The following LRP2 variants were observed in gnomAD, a reference collection of about 807,000 sequenced individuals.
The protein encoded by LRP2 is low-density lipoprotein receptor-related protein 2.
LRP2 carries 172 observed loss-of-function variants against 531.0 expected under a neutral mutation model. The observed-to-expected ratio is 0.32, with a 90% confidence interval of 0.29 to 0.37. The LOEUF is 0.37. Among genes scored for constraint, LRP2 ranks in the 10% least tolerant of loss-of-function variants. LRP2 has a pLI of 1.00. For missense variants in LRP2, 5,167 were observed against 5,868.3 expected (o/e 0.88, Z 3.90); for synonymous variants, 1,992 against 2,027.6 (o/e 0.98, Z 0.47).
intron 1 of LRP2, among the ~76,000 whole-genome samples, chr2:169,354,412 CAG>C (rs1170754114): frequency 3.3e-5 from 5 of 152,220 alleles, no homozygotes; most frequent in Non-Finnish European, 7.3e-5. Flanking sequence ...TCCATGGTAA[CAG>C]TGGCTCAACT....
chr2:169,187,210 C>A (rs376271802), intron 49 of LRP2, among the ~76,000 whole-genome samples: 7 of 151,928 alleles, frequency 4.6e-5, no homozygotes, highest in African/African-American at 1.7e-4. Context: ...CTCCACATTT[C>A]CACAGCAGTT....
At chr2:169,157,165 C>G (rs181022769) in intron 64 of LRP2, among the ~76,000 whole-genome samples, 4 of 152,242 alleles carry the variant, frequency 2.6e-5, no homozygotes, top group Admixed American at 2.6e-4. Flanking sequence ...CAGTATCTGA[C>G]AAGCACTCAG....
intron 3 of LRP2, among the ~76,000 whole-genome samples, chr2:169,314,424 T>TAA (rs112912157): frequency 0.083 from 11,884 of 143,848 alleles, 588 homozygotes; most frequent in East Asian, 0.25. Context: ...CCCCTGTCTC[T>TAA]AAAAAAAAAA....
chr2:169,349,537 G>A (rs1420647895), intron 1 of LRP2, among the ~76,000 whole-genome samples: 2 of 152,172 alleles, frequency 1.3e-5, no homozygotes. Context: ...ATGGGAAGCA[G>A]TGGTACACCC....
At chr2:169,155,798 C>G (rs768005279) in intron 65 of LRP2, among the ~76,000 whole-genome samples, 4 of 152,168 alleles carry the variant, frequency 2.6e-5, no homozygotes, top group African/African-American at 4.8e-5. Context: ...ATGAACAATA[C>G]AAAAGGGATA....
At chr2:169,191,664 A>T (rs1687832212) in intron 48 of LRP2, among the ~76,000 whole-genome samples, 168 bp downstream of exon 48, 1 of 152,106 alleles carries the variant, frequency 6.6e-6, no homozygotes, top group Non-Finnish European at 1.5e-5. Context: ...TCTTTGATGT[A>T]AAAGTTTTTT....
intron 37 of LRP2, 74 bp from the exon 38 acceptor site, chr2:169,209,715 C>T (rs779361875): frequency 5.6e-5 from 79 of 1,409,878 alleles, no homozygotes; most frequent in East Asian, 2.4e-5. Context: ...CCCTTCCTCT[C>T]AAACCCTCAT....
At chr2:169,295,751 T>A (rs754492862) in intron 4 of LRP2, among the ~76,000 whole-genome samples, 4 of 152,250 alleles carry the variant, frequency 2.6e-5, no homozygotes, top group Non-Finnish European at 5.9e-5. Context: ...CTATTATTTA[T>A]CACAGGTGAA....
intron 16 of LRP2, among the ~76,000 whole-genome samples, 174 bp from the exon 17 acceptor site, chr2:169,259,391 A>G (rs898782937): frequency 2.0e-5 from 3 of 151,640 alleles, no homozygotes; most frequent in African/African-American, 7.3e-5. Context: ...GAGCAATAAC[A>G]TGAGACAAAC....
intron 73 of LRP2, 49 bp from the exon 74 acceptor site, chr2:169,139,420 T>A: frequency 6.2e-7 from 1 of 1,614,112 alleles, no homozygotes; most frequent in Non-Finnish European, 8.5e-7. Context: ...GAGCCCGCAA[T>A]CCTGGCAGAA....
intron 1 of LRP2, among the ~76,000 whole-genome samples, chr2:169,329,753 C>T (rs1428565551): frequency 1.3e-5 from 2 of 152,180 alleles, no homozygotes; most frequent in Admixed American, 6.5e-5. Flanking sequence ...TGCAGCCCCT[C>T]CAGCTGCCCC....
At chr2:169,245,274 G>T (rs938067863) in intron 21 of LRP2, among the ~76,000 whole-genome samples, 1 of 152,114 alleles carries the variant, frequency 6.6e-6, no homozygotes, top group African/African-American at 2.4e-5. Context: ...TATGATTCAC[G>T]CTCTGGTTGG....
At chr2:169,313,398 G>A (rs1336718385) in intron 3 of LRP2, among the ~76,000 whole-genome samples, 8 of 151,036 alleles carry the variant, frequency 5.3e-5, no homozygotes, top group African/African-American at 2.0e-4. Flanking sequence ...TGGTGTAGAT[G>A]CCCTTTCTGT....
intron 16 of LRP2, among the ~76,000 whole-genome samples, chr2:169,260,996 G>C (rs921427093): frequency 5.3e-5 from 8 of 152,058 alleles, no homozygotes; most frequent in African/African-American, 1.9e-4. Flanking sequence ...AATTTAGCAA[G>C]AAAGGGATTA....
rs568704350 is a variant in LRP2, at chr2:169,151,749, T to C, written c.12462-723A>G. On this transcript the variant is annotated intron_variant, in intron 67 of 78. Transcript: ENST00000649046. ...TTCAAACAAGAAGACAGATCTGCCA[T>C]TCCCTGGTTGGTTTTCAGAAGAGAG... Among the ~76,000 whole-genome samples, 4 of 152,326 alleles carry C rather than the reference T, an allele frequency of 2.6e-5. No individual in the cohort carries two copies. The South Asian group carries it at 6.2e-4, about 24-fold the overall frequency.
At position 169,243,530 on chromosome 2, in the gene LRP2, C is replaced by G. The variant is rs1304743517; in HGVS notation, c.3431-8G>C. The G allele has an allele frequency of 3.7e-6, 6 of 1,613,956 alleles. No individual in the cohort carries two copies. In the East Asian group the frequency reaches 1.3e-4, roughly 36 times the overall value. ...GGCATGTCTCTGTCGAATCTAATGT[C>G]ATCCGAAAACAAAACCAACAAGTTT... On this transcript the variant is annotated splice_polypyrimidine_tract_variant and splice_region_variant and intron_variant, in intron 22 of 78. Coordinates refer to ENST00000649046, the MANE Select transcript of LRP2 (RefSeq NM_004525.3).
intron 31 of LRP2, among the ~76,000 whole-genome samples, chr2:169,228,478 G>A (rs116429609): frequency 6.6e-6 from 1 of 152,036 alleles, no homozygotes; most frequent in South Asian, 2.1e-4. Context: ...ACTCACTTAC[G>A]TAAGATCTGA....
At chr2:169,226,996 A>G (rs1689223900) in intron 31 of LRP2, among the ~76,000 whole-genome samples, 1 of 152,234 alleles carries the variant, frequency 6.6e-6, no homozygotes, top group Admixed American at 6.5e-5. Flanking sequence ...AGTGAAAAAA[A>G]TCATTGAGAC....
At chr2:169,191,143 G>T (rs573287224) in intron 48 of LRP2, among the ~76,000 whole-genome samples, 1 of 152,180 alleles carries the variant, frequency 6.6e-6, no homozygotes, top group Non-Finnish European at 1.5e-5. Flanking sequence ...TCCAACTTCT[G>T]TCAAAAAGAG....
Sources: gnomAD v4.1 joint callset for allele counts (sites outside exome capture counted in the v4.1 genomes callset) on GRCh38, gnomAD v4.1.1 for gene constraint, MANE v1.5 for transcripts, NCBI Gene and HGNC (gene_info 2026-07-23, HGNC 2026-07-21) for gene names.